ATG13: variants seen among roughly 807,000 people sequenced by gnomAD.
ATG13 encodes autophagy related 13.
In ATG13, 23 loss-of-function variants were observed where a neutral mutation model predicts 65.5. The ratio of observed to expected loss-of-function variants is 0.35; its 90% CI spans 0.25 to 0.50. ATG13 has a LOEUF of 0.50. Ranked by LOEUF, ATG13 falls within the 20% of genes least tolerant of loss-of-function variation. The pLI is 0.98. For synonymous variants in ATG13, 252 were observed against 245.2 expected (o/e 1.03, Z -0.26); for missense variants, 566 against 677.0 (o/e 0.84, Z 1.82).
rs745762855 is a variant in ATG13 at position 46,664,981 on chromosome 11, A to C, written c.999+22A>C. On this transcript the variant is annotated intron_variant, in intron 13 of 18. Coordinates refer to ENST00000683050, the MANE Select transcript of ATG13 (RefSeq NM_001346311.2). ...CCAGGTATCTTTAAAGATGGGGAGG[A>C]CTATGGGTTTCCAGTGCTGCCTCCC... 7 of 1,601,428 alleles carry C rather than the reference A, an allele frequency of 4.4e-6. No individual in the cohort carries two copies. The East Asian group carries it at 1.6e-4, about 36-fold the overall frequency.
At position 46,645,434 on chromosome 11, in the gene ATG13, T is replaced by C. The variant is rs1307962276; in HGVS notation, c.150+15T>C. On this transcript the variant is annotated intron_variant, in intron 4 of 18. Coordinates refer to ENST00000683050, the MANE Select transcript of ATG13 (RefSeq NM_001346311.2). ...GTTCAGATTGGGTAAAATTCTATTA[T>C]TTACTAAGGTGTATACTGTAGTGTT... is the stretch of plus-strand genomic sequence containing the variant. 6.2e-7 allele frequency: 1 copy of C among 1,604,566 alleles called. No individual in the cohort carries two copies. The highest frequency in any genetic ancestry group is 8.5e-7 in the Non-Finnish European group (1 of 1,172,302).
intron 11 of ATG13, chr11:46,660,064 C>A (rs2060822429): frequency 6.6e-6 from 1 of 152,572 alleles, no homozygotes; most frequent in African/African-American, 2.4e-5. Context: ...GAAAGCACCC[C>A]TGTGGTCTTG....
intron 1 of ATG13, among the ~76,000 whole-genome samples, chr11:46,628,933 G>A (rs1197359571): frequency 1.5e-5 from 2 of 131,494 alleles, no homozygotes; most frequent in African/African-American, 7.3e-5. Context: ...ATACTGATCT[G>A]TTTTCTTTTT....
intron 7 of ATG13, among the ~76,000 whole-genome samples, chr11:46,655,315 A>G (rs186207166): frequency 0.016 from 2,454 of 151,270 alleles, 23 homozygotes; most frequent in Non-Finnish European, 0.022. Flanking sequence ...GGAGAATGGC[A>G]TGAACCTGGG....
chr11:46,651,519 G>T (rs2058890328), intron 7 of ATG13, among the ~76,000 whole-genome samples: 1 of 152,200 alleles, frequency 6.6e-6, no homozygotes, highest in African/African-American at 2.4e-5. Flanking sequence ...GAAGAGCTTG[G>T]AATGCTGGGG....
intron 1 of ATG13, among the ~76,000 whole-genome samples, chr11:46,622,690 T>C (rs1452582856): frequency 6.6e-6 from 1 of 152,224 alleles, no homozygotes; most frequent in Non-Finnish European, 1.5e-5. Context: ...CAAAAACTGA[T>C]ACACGTATGT....
At chr11:46,647,368 C>T (rs550729687) in intron 5 of ATG13, among the ~76,000 whole-genome samples, 9 of 150,572 alleles carry the variant, frequency 6.0e-5, no homozygotes, top group Admixed American at 2.0e-4. Flanking sequence ...ACCTCCGCCT[C>T]CCAGGTTCAA....
At chr11:46,654,491 T>G (rs1414018945) in intron 7 of ATG13, among the ~76,000 whole-genome samples, 2 of 147,856 alleles carry the variant, frequency 1.4e-5, no homozygotes, top group Non-Finnish European at 3.0e-5. Flanking sequence ...GAGAATGAGG[T>G]GGGAGGATCG....
chr11:46,658,064 T>C (rs2060387947), intron 10 of ATG13, among the ~76,000 whole-genome samples: 1 of 150,608 alleles, frequency 6.6e-6, no homozygotes, highest in African/African-American at 2.4e-5. Context: ...GTGAGACTCC[T>C]TCTCAAAAAA....
At chr11:46,656,942 CACACACATATGAAATT>C in intron 8 of ATG13, 137 bp from the exon 9 acceptor site, 1 of 674,336 alleles carries the variant, frequency 1.5e-6, no homozygotes, top group Non-Finnish European at 2.7e-6. Context: ...CACACACACA[CACACACATATGAAATT>C]AAGGCTGCTG....
In ATG13 at chr11:46,668,534, G is replaced by T. The variant is rs540832753; in HGVS notation, c.1287G>T (p.Met429Ile). The change falls in exon 16 of 19, where the codon ATG becomes ATT. Residue 429 changes from methionine to isoleucine, a missense_variant. Coordinates refer to ENST00000683050, the MANE Select transcript of ATG13 (RefSeq NM_001346311.2). ...CGAGTTTGGATATACCCTTTGCCATGTTTGCTCCCAAGAATTTGGAGCTGG... is the reference window on the plus strand; with the variant it reads ...CGAGTTTGGATATACCCTTTGCCATTTTTGCTCCCAAGAATTTGGAGCTGG... ...TLTSLDIPFA[M>I]FAPKNLELED... The T allele has an allele frequency of 1.9e-4, 311 of 1,614,222 alleles. 10 individuals carry two copies. In the South Asian group the frequency reaches 3.3e-3, roughly 17 times the overall value.
intron 14 of ATG13, 97 bp from the exon 15 acceptor site, chr11:46,667,676 C>T (rs1205610961): frequency 2.7e-5 from 24 of 902,904 alleles, no homozygotes; most frequent in Non-Finnish European, 3.5e-5. Flanking sequence ...CCAACTCCTG[C>T]CCTAGGCCAC....
rs2058623084 is a variant in ATG13 at position 46,650,219 on chromosome 11, A to T, written c.360A>T (p.Arg120Ser). 1 of 1,614,016 alleles carries T rather than the reference A, an allele frequency of 6.2e-7. No individual in the cohort carries two copies. ...EIKVSYTVYN[R>S]LSLLLKSLLA... ...AAGTTTCCTACACGGTGTACAACAGACTGTCATTGCTGCTGAAGTCCCTTC... is the reference window on the plus strand; with the variant it reads ...AAGTTTCCTACACGGTGTACAACAGTCTGTCATTGCTGCTGAAGTCCCTTC... Residue 120 changes from arginine (R) to serine (S), a missense_variant, in exon 7 of 19, where the codon AGA (arginine) becomes AGT (serine). Coordinates refer to ENST00000683050, the MANE Select transcript of ATG13 (RefSeq NM_001346311.2).
chr11:46,647,541 G>C (rs2057951675), intron 5 of ATG13, among the ~76,000 whole-genome samples: 1 of 151,936 alleles, frequency 6.6e-6, no homozygotes, highest in African/African-American at 2.4e-5. Context: ...GCCTCCCAAA[G>C]TGCTAAGATT....
At chr11:46,663,135 G>A (rs1411402558) in intron 11 of ATG13, among the ~76,000 whole-genome samples, 6 of 151,758 alleles carry the variant, frequency 4.0e-5, no homozygotes, top group Admixed American at 6.6e-5. Flanking sequence ...GCTTGGTGGC[G>A]GGCACCTGTA....
intron 1 of ATG13, among the ~76,000 whole-genome samples, chr11:46,624,329 A>G (rs1266267967): frequency 6.6e-6 from 1 of 152,160 alleles, no homozygotes; most frequent in Non-Finnish European, 1.5e-5. Flanking sequence ...ATATTGATGC[A>G]ATACTGTTAC....
chr11:46,626,853 C>T (rs1248501502), intron 1 of ATG13, among the ~76,000 whole-genome samples: 2 of 152,138 alleles, frequency 1.3e-5, no homozygotes, highest in African/African-American at 4.8e-5. Flanking sequence ...TTGCACAGCT[C>T]CCTTTGAAAC....
At chr11:46,667,937 A>G in intron 15 of ATG13, 50 bp downstream of exon 15, 1 of 1,445,794 alleles carries the variant, frequency 6.9e-7, no homozygotes, top group South Asian at 1.1e-5. Flanking sequence ...TTCTTAGAGT[A>G]AGGCCCCACA....
intron 16 of ATG13, 100 bp from the exon 17 acceptor site, chr11:46,668,694 T>G: frequency 6.7e-7 from 1 of 1,490,546 alleles, no homozygotes; most frequent in Non-Finnish European, 9.4e-7. Context: ...CTTACGGGTT[T>G]GTAGCCAGCA....
Sources: allele counts gnomAD v4.1 joint callset (sites outside exome capture counted in the v4.1 genomes callset), GRCh38; gene constraint gnomAD v4.1.1; transcripts MANE v1.5; gene names NCBI Gene and HGNC (gene_info 2026-07-23, HGNC 2026-07-21).